The following CACNA1E variants were observed in gnomAD, a reference collection of about 807,000 sequenced individuals.
CACNA1E encodes the protein calcium voltage-gated channel subunit alpha1 E, also known as voltage-dependent R-type calcium channel subunit alpha-1E.
Under a neutral mutation model 259.2 loss-of-function variants are expected in CACNA1E, and 40 were observed. The observed-to-expected ratio is 0.15, with a 90% CI of 0.12 to 0.20. The LOEUF (loss-of-function observed/expected upper bound fraction) is 0.20. Ranked by LOEUF, CACNA1E falls within the 10% of genes least tolerant of loss-of-function variation. The pLI is 1.00. For missense variants in CACNA1E, 1,874 were observed against 3,040.1 expected (o/e 0.62, Z 9.02); for synonymous variants, 1,104 against 1,138.5 (o/e 0.97, Z 0.61).
intron 6 of CACNA1E, among the ~76,000 whole-genome samples, chr1:181,611,262 T>C (rs1031399683): frequency 3.3e-5 from 5 of 152,218 alleles, no homozygotes; most frequent in Admixed American, 3.3e-4. Flanking sequence ...GCAAATTCTT[T>C]TCCCCATTGA....
chr1:181,693,124 A>T (rs1651345487), intron 7 of CACNA1E, among the ~76,000 whole-genome samples: 1 of 108,528 alleles, frequency 9.2e-6, no homozygotes, highest in Non-Finnish European at 2.0e-5. Context: ...ATGGCTATCT[A>T]AAGCAAAAAA....
chr1:181,482,849 G>T (rs1303867406), upstream of CACNA1E, among the ~76,000 whole-genome samples: 1 of 152,246 alleles, frequency 6.6e-6, no homozygotes, highest in Non-Finnish European at 1.5e-5. Context: ...CCCTCTCGGC[G>T]GCGCAGCCGC....
upstream of CACNA1E, among the ~76,000 whole-genome samples, chr1:181,483,027 A>AT (rs1241482933): frequency 6.6e-6 from 1 of 152,150 alleles, no homozygotes; most frequent in African/African-American, 2.4e-5. Flanking sequence ...TTATTTTGAG[A>AT]TTTTGGGCAT....
chr1:181,730,471 G>T (rs1298382931), intron 18 of CACNA1E, among the ~76,000 whole-genome samples: 1 of 152,238 alleles, frequency 6.6e-6, no homozygotes, highest in Admixed American at 6.5e-5. Context: ...ACATGCATAT[G>T]GAAGAGAGTT....
In CACNA1E at chr1:181,724,882, C is replaced by T. The variant is rs565533890; in HGVS notation, c.2142+345C>T. 4.6e-5 allele frequency among the ~76,000 whole-genome samples: 7 copies of T among 152,336 alleles called. No individual in the cohort carries two copies. In the South Asian group the frequency reaches 1.0e-3, roughly 23 times the overall value. ...GTTCCACCTCTGCTACTGCAACCTGCGGCTGTGTGACCTGAATCACATGAC... is the reference window on the plus strand; with the variant it reads ...GTTCCACCTCTGCTACTGCAACCTGTGGCTGTGTGACCTGAATCACATGAC... On this transcript the variant is annotated intron_variant, in intron 17 of 47. Transcript: ENST00000367573.
intron 6 of CACNA1E, among the ~76,000 whole-genome samples, chr1:181,638,597 G>C (rs1460252368): frequency 2.6e-5 from 4 of 152,108 alleles, no homozygotes; most frequent in Admixed American, 2.6e-4. Context: ...ATTGTTGCTT[G>C]TTGGTTTGTG....
chr1:181,434,394 A>ATT lies in CACNA1E; in HGVS notation c.434+20827_434+20828dup, dbSNP rs34732298. On this transcript the variant is annotated intron_variant, in intron 2 of 11. Transcript: ENST00000524607. ...TTTATTGAGTACTTACTACTGGCCA[A>ATT]TTTTTTTTTTTTTTAAATACTAGAA... Among the ~76,000 whole-genome samples, 1,053 of 149,100 alleles carry ATT rather than the reference A, an allele frequency of 7.1e-3. 9 individuals are homozygous for ATT. The highest frequency in any genetic ancestry group is 0.022 in the African/African-American group (918 of 40,848).
intron 6 of CACNA1E, among the ~76,000 whole-genome samples, chr1:181,640,823 G>A (rs994362440): frequency 1.3e-5 from 2 of 152,168 alleles, no homozygotes; most frequent in Non-Finnish European, 2.9e-5. Context: ...TCTCCTATTA[G>A]TAAACAACAT....
upstream of CACNA1E, among the ~76,000 whole-genome samples, chr1:181,479,369 T>C (rs2102445556): frequency 6.6e-6 from 1 of 152,306 alleles, no homozygotes; most frequent in Admixed American, 6.5e-5. Flanking sequence ...ATACAGTTAC[T>C]GTCCCTCTGA....
intron 18 of CACNA1E, among the ~76,000 whole-genome samples, chr1:181,729,268 A>G (rs1276854464): frequency 3.8e-4 from 46 of 122,020 alleles, no homozygotes; most frequent in East Asian, 1.4e-3. Context: ...GCTCAGGTGT[A>G]TGTGCCCTGC....
At chr1:181,500,579 C>T (rs1002147497) in intron 1 of CACNA1E, among the ~76,000 whole-genome samples, 1 of 152,242 alleles carries the variant, frequency 6.6e-6, no homozygotes, top group African/African-American at 2.4e-5. Context: ...TGCTCCAGAT[C>T]TGTCTTCGGA....
In CACNA1E at chr1:181,785,169, G is replaced by T. The variant is rs58763805; in HGVS notation, c.5579-149G>T. 2.9e-4 allele frequency: 187 copies of T among 643,602 alleles called. No homozygotes were observed. In the African/African-American group the frequency reaches 3.1e-3, roughly 11 times the overall value. 39.9% of individuals were successfully genotyped at this position (643,602 alleles called of 1,614,324 possible). ...ATGCACTCTGCATCCTCAGATCCTG[G>T]CACCATGGGGGCCCTCAATATACAT... On this transcript the variant is annotated intron_variant, in intron 41 of 47. Transcript: ENST00000367573.
At chr1:181,790,698 C>T (rs1558396418) in intron 44 of CACNA1E, 142 bp downstream of exon 44, 2 of 642,044 alleles carry the variant, frequency 3.1e-6, no homozygotes, top group East Asian at 5.5e-5. Flanking sequence ...CCTGCCTTAG[C>T]CCTTTTCTAG....
intron 7 of CACNA1E, among the ~76,000 whole-genome samples, chr1:181,704,603 G>A (rs1196110524): frequency 1.3e-5 from 2 of 152,130 alleles, no homozygotes; most frequent in East Asian, 1.9e-4. Context: ...GTGTGTGTAC[G>A]TATGCTGCTT....
In CACNA1E at chr1:181,772,791, AT is replaced by A. The variant is rs139422886; in HGVS notation, c.5139+561del. 1.6e-3 allele frequency among the ~76,000 whole-genome samples: 246 copies of A among 152,266 alleles called. 1 individual carries two copies. The highest frequency in any genetic ancestry group is 5.6e-3 in the African/African-American group (233 of 41,542). On this transcript the variant is annotated intron_variant, in intron 37 of 47. Coordinates refer to ENST00000367573, the MANE Select transcript of CACNA1E (RefSeq NM_001205293.3). ...TTGATGATAATTGACCAGCTGATAGATGAGAAAGAATGAGATTGCTTGATTG... is the reference window on the plus strand; with the variant it reads ...TTGATGATAATTGACCAGCTGATAGAGAGAAAGAATGAGATTGCTTGATTG...
intron 1 of CACNA1E, among the ~76,000 whole-genome samples, chr1:181,356,530 C>T (rs765590275): frequency 6.6e-6 from 1 of 152,246 alleles, no homozygotes; most frequent in Non-Finnish European, 1.5e-5. Context: ...CCCTTAGCAG[C>T]TGGACCCACT....
At chr1:181,729,534 G>A (rs1558315281) in intron 18 of CACNA1E, among the ~76,000 whole-genome samples, 1 of 152,194 alleles carries the variant, frequency 6.6e-6, no homozygotes. Context: ...TATACCCTGT[G>A]ACCTCAGAGA....
At chr1:181,756,355 A>T (rs960768736) in intron 29 of CACNA1E, among the ~76,000 whole-genome samples, 8 of 152,200 alleles carry the variant, frequency 5.3e-5, no homozygotes, top group African/African-American at 1.9e-4. Context: ...GAGCCATCTG[A>T]CTTCTATGGA....
chr1:181,737,259 T>C (rs1019216177), intron 22 of CACNA1E, among the ~76,000 whole-genome samples: 1 of 152,224 alleles, frequency 6.6e-6, no homozygotes, highest in Admixed American at 6.5e-5. Context: ...GGTAGGCTGA[T>C]GCTGGCTGCT....
Sources: gnomAD v4.1 joint callset for allele counts (sites outside exome capture counted in the v4.1 genomes callset) on GRCh38, gnomAD v4.1.1 for gene constraint, MANE v1.5 for transcripts, NCBI Gene and HGNC (gene_info 2026-07-23, HGNC 2026-07-21) for gene names.